ITGA8: variants seen among roughly 807,000 people sequenced by gnomAD.
The protein encoded by ITGA8 is integrin alpha-8.
A neutral mutation model predicts 142.3 loss-of-function variants in ITGA8; 91 were observed. The ratio of observed to expected loss-of-function variants is 0.64; its 90% CI spans 0.54 to 0.76. The LOEUF (loss-of-function observed/expected upper bound fraction) is 0.76. Among genes scored for constraint, ITGA8 ranks in the 30% least tolerant of loss-of-function variants. The probability of loss-of-function intolerance (pLI) is 0.00; values close to 1 mark genes in which losing one functional copy is unlikely to be tolerated. For synonymous variants in ITGA8, 505 were observed against 485.2 expected, an observed-to-expected ratio of 1.04 and a Z score of -0.54; for missense variants, 1,406 against 1,327.7, an observed-to-expected ratio of 1.06 and a Z score of -0.92.
At chr10:15,619,927 A>G (rs1050099725) in intron 13 of ITGA8, among the ~76,000 whole-genome samples, 1 of 152,248 alleles carries the variant, frequency 6.6e-6, no homozygotes, top group Non-Finnish European at 1.5e-5. Context: ...ATAAGGTGAA[A>G]TATTTATTTA....
At chr10:15,574,271 A>G (rs1015585714) in intron 24 of ITGA8, among the ~76,000 whole-genome samples, 2 of 152,264 alleles carry the variant, frequency 1.3e-5, no homozygotes, top group Admixed American at 1.3e-4. Context: ...AAAATATTTT[A>G]CTAATCAGTG....
intron 15 of ITGA8, among the ~76,000 whole-genome samples, chr10:15,610,942 T>G (rs541173537): frequency 6.6e-6 from 1 of 152,210 alleles, no homozygotes; most frequent in East Asian, 1.9e-4. Flanking sequence ...TAATATTTAT[T>G]GAGCTGGCTT....
intron 23 of ITGA8, among the ~76,000 whole-genome samples, chr10:15,584,174 G>A (rs1305021087): frequency 6.6e-6 from 1 of 152,096 alleles, no homozygotes; most frequent in Non-Finnish European, 1.5e-5. Flanking sequence ...GCAGGTGCCT[G>A]TAATCTCAGC....
intron 25 of ITGA8, among the ~76,000 whole-genome samples, chr10:15,569,712 G>A (rs1834145291): frequency 6.6e-6 from 1 of 152,078 alleles, no homozygotes; most frequent in South Asian, 2.1e-4. Flanking sequence ...CCTGGCTATG[G>A]CACAGTTTTG....
chr10:15,656,812 G>A (rs944752076), intron 10 of ITGA8, among the ~76,000 whole-genome samples: 5 of 152,150 alleles, frequency 3.3e-5, no homozygotes, highest in Admixed American at 1.3e-4. Context: ...TTGAAGTGAC[G>A]TAGCTTCCAT....
intron 8 of ITGA8, among the ~76,000 whole-genome samples, chr10:15,666,187 A>T (rs1465566022): frequency 6.6e-6 from 1 of 152,026 alleles, no homozygotes; most frequent in East Asian, 1.9e-4. Flanking sequence ...ATCCTCTTTT[A>T]TTTCATTGAG....
At position 15,687,963 on chromosome 10, in the gene ITGA8, A is replaced by G. The variant is rs758871043; in HGVS notation, c.419T>C (p.Val140Ala). The G allele has an allele frequency of 3.7e-6, 6 of 1,612,734 alleles. No individual in the cohort carries two copies. In the East Asian group the frequency reaches 1.3e-4, roughly 36 times the overall value. ...FKSNQWFGAT[V>A]KAHKGKVVAC... ...CACAACTTTTCCTTTGTGAGCTTTC[A>G]CTGTTGCTCCAAACCACTGATTGGA... Residue 140 changes from valine (V) to alanine (A), a missense_variant, in exon 3 of 30, where the codon GTG (valine) becomes GCG (alanine). Transcript: ENST00000378076.
chr10:15,534,605 T>C (rs953203445), intron 27 of ITGA8, among the ~76,000 whole-genome samples: 35 of 152,102 alleles, frequency 2.3e-4, no homozygotes, highest in Admixed American at 1.5e-3. Context: ...CTTTCCATTA[T>C]TGAATTGGAC....
intron 15 of ITGA8, among the ~76,000 whole-genome samples, chr10:15,609,853 C>A (rs1833260578): frequency 6.6e-6 from 1 of 152,108 alleles, no homozygotes; most frequent in African/African-American, 2.4e-5. Flanking sequence ...ACATTAAAAT[C>A]ATTTTAGATA....
chr10:15,660,884 C>T lies in ITGA8; in HGVS notation c.886G>A (p.Gly296Arg). 7 of 1,613,470 alleles carry T rather than the reference C, an allele frequency of 4.3e-6. No individual in the cohort carries two copies. The highest frequency in any genetic ancestry group is 5.9e-6 in the Non-Finnish European group (7 of 1,179,600). Residue 296 changes from glycine (G) to arginine (R), a missense_variant, in exon 9 of 30, where the codon GGA becomes AGA. Gly to Arg is a moderately radical substitution (Grantham distance 125). Coordinates refer to ENST00000378076, the MANE Select transcript of ITGA8 (RefSeq NM_003638.3). ...AGIPRGAQNF[G>R]YVSIINSTDM... Reference sequence around the variant, plus strand: ...AATGCATTCTCAGTACTCACATATCCAAAATTCTGTGCTCCTCTTGGAATT... The same window carrying T: ...AATGCATTCTCAGTACTCACATATCTAAAATTCTGTGCTCCTCTTGGAATT...
chr10:15,561,833 A>G (rs1037670103), intron 25 of ITGA8, among the ~76,000 whole-genome samples: 2 of 152,174 alleles, frequency 1.3e-5, no homozygotes, highest in African/African-American at 4.8e-5. Context: ...AAGACTGGGT[A>G]ATTTATAAAG....
At chr10:15,681,403 A>G (rs540252007) in intron 4 of ITGA8, among the ~76,000 whole-genome samples, 32 of 152,216 alleles carry the variant, frequency 2.1e-4, no homozygotes, top group Non-Finnish European at 3.8e-4. Flanking sequence ...CACAAAGGAA[A>G]TAATTCATGG....
chr10:15,580,172 C>A (rs1834383177), intron 23 of ITGA8, among the ~76,000 whole-genome samples: 1 of 144,802 alleles, frequency 6.9e-6, no homozygotes, highest in Admixed American at 6.9e-5. Flanking sequence ...ATATAAACTG[C>A]CAATATCAAG....
At chr10:15,597,795 CT>C (rs1833034254) in intron 20 of ITGA8, among the ~76,000 whole-genome samples, 1 of 152,200 alleles carries the variant, frequency 6.6e-6, no homozygotes, top group Non-Finnish European at 1.5e-5. Flanking sequence ...CGACTTTCTT[CT>C]GTTCTTCAGT....
intron 23 of ITGA8, among the ~76,000 whole-genome samples, chr10:15,576,378 AT>A (rs1834298629): frequency 6.6e-6 from 1 of 152,228 alleles, no homozygotes; most frequent in Non-Finnish European, 1.5e-5. Flanking sequence ...ACATGGCATT[AT>A]TTTATATAAA....
intron 26 of ITGA8, among the ~76,000 whole-genome samples, chr10:15,553,778 A>G (rs992402332): frequency 2.6e-5 from 4 of 152,104 alleles, no homozygotes; most frequent in African/African-American, 9.7e-5. Flanking sequence ...AGGCAGGTGG[A>G]TCAGCTGAGG....
intron 13 of ITGA8, among the ~76,000 whole-genome samples, chr10:15,626,767 A>C (rs1049192013): frequency 6.6e-6 from 1 of 152,176 alleles, no homozygotes; most frequent in Admixed American, 6.5e-5. Context: ...GCACAGAGAG[A>C]AGTCAACATG....
Position 15,684,234 on chromosome 10 carries a change from A to G in ITGA8, c.445-107T>C, listed in dbSNP as rs541206045. 3.1e-4 allele frequency: 380 copies of G among 1,210,528 alleles called. 3 individuals are homozygous for G. In the South Asian group the frequency reaches 5.5e-3, roughly 18 times the overall value. The allele number at this position is 1,210,528 out of a possible 1,614,324, so 75.0% of individuals were successfully genotyped here. On this transcript the variant is annotated intron_variant, in intron 3 of 29. Transcript: ENST00000378076. ...AAACTGTTAAATTATTGGGTGAATT[A>G]ATTGGCCTCTAGCATGCTAATGAGT... is the stretch of plus-strand genomic sequence containing the variant.
At chr10:15,709,110 C>T (rs1835315815) in intron 2 of ITGA8, among the ~76,000 whole-genome samples, 1 of 152,154 alleles carries the variant, frequency 6.6e-6, no homozygotes, top group Non-Finnish European at 1.5e-5. Flanking sequence ...TTCTTAGTGC[C>T]TTTTCTAAGA....
Sources: gnomAD v4.1 joint callset for allele counts (sites outside exome capture counted in the v4.1 genomes callset) on GRCh38, gnomAD v4.1.1 for gene constraint, MANE v1.5 for transcripts, NCBI Gene and HGNC (gene_info 2026-07-23, HGNC 2026-07-21) for gene names.